NFKB1: variants seen among roughly 807,000 people sequenced by gnomAD.
The protein encoded by NFKB1 is nuclear factor NF-kappa-B p105 subunit.
A neutral mutation model predicts 105.1 loss-of-function variants in NFKB1; 9 were observed. The observed-to-expected ratio is 0.09, with a 90% CI of 0.05 to 0.15. The LOEUF is 0.15. Among genes scored for constraint, NFKB1 ranks in the 10% least tolerant of loss-of-function variants. NFKB1 has a pLI of 1.00. For synonymous variants in NFKB1, 440 were observed against 442.2 expected (o/e 1.00, Z 0.06); for missense variants, 830 against 1,203.7 (o/e 0.69, Z 4.59).
chr4:102,566,874 A>G (rs1395511916), intron 5 of NFKB1, 113 bp from the exon 6 acceptor site: 4 of 1,037,830 alleles, frequency 3.9e-6, no homozygotes, highest in East Asian at 5.2e-5. Flanking sequence ...ATGTATATAC[A>G]TATATGAATA....
intron 7 of NFKB1, chr4:102,578,075 G>A (rs181162119): frequency 1.4e-6 from 1 of 714,754 alleles, no homozygotes; most frequent in African/African-American, 1.9e-5. Flanking sequence ...TACTTGGTAG[G>A]AGCACCATGA....
intron 9 of NFKB1, among the ~76,000 whole-genome samples, chr4:102,581,428 C>A (rs1009929935): frequency 1.3e-4 from 20 of 151,960 alleles, no homozygotes; most frequent in Non-Finnish European, 2.5e-4. Context: ...AGATTAAATT[C>A]TCTGAGGTAT....
At chr4:102,542,837 A>G (rs1742097023) in intron 5 of NFKB1, among the ~76,000 whole-genome samples, 1 of 152,208 alleles carries the variant, frequency 6.6e-6, no homozygotes, top group African/African-American at 2.4e-5. Context: ...ATAAAAATGT[A>G]TTTGTCACAA....
chr4:102,546,366 G>A (rs1290951268), intron 5 of NFKB1, among the ~76,000 whole-genome samples: 1 of 152,028 alleles, frequency 6.6e-6, no homozygotes, highest in East Asian at 1.9e-4. Context: ...GGGAGACAGT[G>A]CAGTGTGGCT....
At chr4:102,526,066 G>C (rs1355450581) in intron 2 of NFKB1, among the ~76,000 whole-genome samples, 1 of 152,090 alleles carries the variant, frequency 6.6e-6, no homozygotes, top group African/African-American at 2.4e-5. Context: ...TGTCTCTACT[G>C]TGTCTCTAAA....
chr4:102,529,793 A>G (rs889336824), intron 2 of NFKB1, 43 bp from the exon 3 acceptor site: 34 of 1,426,134 alleles, frequency 2.4e-5, no homozygotes, highest in Non-Finnish European at 3.2e-5. Flanking sequence ...CATATAATAT[A>G]GGAAAAATAA....
chr4:102,565,066 C>T (rs547005297), intron 5 of NFKB1, among the ~76,000 whole-genome samples: 8 of 152,164 alleles, frequency 5.3e-5, no homozygotes, highest in Non-Finnish European at 8.8e-5. Context: ...CATACCCCAT[C>T]CCACATTTAA....
chr4:102,591,694 T>C (rs567232018), intron 11 of NFKB1, among the ~76,000 whole-genome samples: 1 of 152,340 alleles, frequency 6.6e-6, no homozygotes, highest in East Asian at 1.9e-4. Context: ...AAAATGGTAG[T>C]GCTCATTGAC....
intron 13 of NFKB1, 118 bp downstream of exon 13, chr4:102,595,099 T>C: frequency 1.6e-6 from 1 of 613,536 alleles, no homozygotes; most frequent in South Asian, 2.4e-5. Context: ...AATTGATGAA[T>C]GCAAATAAAC....
intron 1 of NFKB1, chr4:102,502,147 G>C (rs763659817): frequency 9.2e-5 from 14 of 152,764 alleles, no homozygotes; most frequent in Admixed American, 2.6e-4. Flanking sequence ...GTTGGAGTGC[G>C]CTGCGGCGCG....
chr4:102,610,577 G>A lies in NFKB1; in HGVS notation c.2230G>A (p.Ala744Thr). 2 of 1,613,860 alleles carry A rather than the reference G, an allele frequency of 1.2e-6. No homozygotes were observed. Among genetic ancestry groups the A allele is most frequent in the Non-Finnish European group, 8.5e-7 (1 of 1,179,800 alleles). Residue 744 changes from alanine to threonine, a missense_variant and splice_region_variant, in exon 20 of 24, where the codon GCA (alanine) becomes ACA (threonine). By Grantham distance (58) the Ala-to-Thr change is moderately conservative. This residue lies in a region of NFKB1 where 418 missense variants were observed against 575.3 expected (regional missense o/e 0.73). Coordinates refer to ENST00000226574, the MANE Select transcript of NFKB1 (RefSeq NM_003998.4). Reference protein sequence around the residue: ...RLAALLKAAGADPLVENFEPL... With the variant: ...RLAALLKAAGTDPLVENFEPL... The stretch of plus-strand genomic sequence containing the variant: ...TGCTGTGTAATCTAACTTCGCAGGA[G>A]CAGATCCCCTGGTGGAGAACTTTGA...
intron 5 of NFKB1, among the ~76,000 whole-genome samples, chr4:102,566,384 T>A (rs1202063819): frequency 6.6e-6 from 1 of 152,192 alleles, no homozygotes; most frequent in Admixed American, 6.5e-5. Context: ...TGTAACTCAA[T>A]TATCAGAAGT....
chr4:102,579,154 C>T (rs1725113685), intron 8 of NFKB1, 115 bp downstream of exon 8: 2 of 1,008,332 alleles, frequency 2.0e-6, no homozygotes, highest in Non-Finnish European at 2.8e-6. Flanking sequence ...TAAGCCTCAG[C>T]TTTATCATCT....
chr4:102,541,460 G>A (rs1560655799), intron 5 of NFKB1, among the ~76,000 whole-genome samples: 1 of 152,166 alleles, frequency 6.6e-6, no homozygotes, highest in African/African-American at 2.4e-5. Context: ...GGATACTAAG[G>A]AGAAAGATAG....
intron 5 of NFKB1, among the ~76,000 whole-genome samples, chr4:102,547,748 T>A (rs1024426459): frequency 1.1e-4 from 17 of 152,142 alleles, no homozygotes; most frequent in African/African-American, 4.1e-4. Flanking sequence ...CACAAAACCT[T>A]CACCAGTCTA....
At chr4:102,592,121 T>C (rs1248002428) in intron 11 of NFKB1, among the ~76,000 whole-genome samples, 1 of 152,196 alleles carries the variant, frequency 6.6e-6, no homozygotes, top group Non-Finnish European at 1.5e-5. Flanking sequence ...GATTTAACTT[T>C]CATGGTTGAG....
intron 6 of NFKB1, among the ~76,000 whole-genome samples, chr4:102,575,280 C>A (rs4648022): frequency 3.3e-5 from 5 of 152,142 alleles, no homozygotes; most frequent in Non-Finnish European, 7.4e-5. Flanking sequence ...TGCCTGGACA[C>A]GTGACTTATT....
At chr4:102,611,574 G>A (rs938429916) in intron 20 of NFKB1, among the ~76,000 whole-genome samples, 1 of 152,244 alleles carries the variant, frequency 6.6e-6, no homozygotes, top group African/African-American at 2.4e-5. Flanking sequence ...TATTGCCAGA[G>A]GGTTAACACC....
At chr4:102,610,428 C>A in intron 19 of NFKB1, 147 bp from the exon 20 acceptor site, 3 of 723,004 alleles carry the variant, frequency 4.1e-6, no homozygotes, top group South Asian at 2.7e-5. Context: ...CTGGATATTC[C>A]AGTAGAAATG....
Sources: allele counts gnomAD v4.1 joint callset (sites outside exome capture counted in the v4.1 genomes callset), GRCh38; gene constraint gnomAD v4.1.1; regional missense constraint gnomAD v4.1.1; transcripts MANE v1.5; gene names NCBI Gene and HGNC (gene_info 2026-07-23, HGNC 2026-07-21).